VPS13A: variants seen among roughly 807,000 people sequenced by gnomAD.
VPS13A encodes vacuolar protein sorting 13 homolog A.
A neutral mutation model predicts 390.9 loss-of-function variants in VPS13A; 264 were observed. The ratio of observed to expected loss-of-function variants is 0.68; its 90% CI spans 0.61 to 0.75. VPS13A has a LOEUF of 0.75. VPS13A is among the 30% of genes least tolerant of loss of function. The pLI is 0.00. For synonymous variants in VPS13A, 1,231 were observed against 1,227.1 expected, an observed-to-expected ratio of 1.00 and a Z score of -0.07; for missense variants, 3,409 against 3,733.9, an observed-to-expected ratio of 0.91 and a Z score of 2.27.
chr9:77,385,603 CAT>C (rs1165420999), intron 68 of VPS13A, among the ~76,000 whole-genome samples: 5 of 151,898 alleles, frequency 3.3e-5, no homozygotes, highest in African/African-American at 1.2e-4. Context: ...AAAATTTCAA[CAT>C]AGATGAAACT....
At chr9:77,227,701 TG>T (rs1276889719) in intron 16 of VPS13A, among the ~76,000 whole-genome samples, 2 of 147,224 alleles carry the variant, frequency 1.4e-5, no homozygotes, top group East Asian at 4.0e-4. Flanking sequence ...GTTTTTTTTT[TG>T]TTTTTTTTTT....
Position 77,177,557 on chromosome 9 carries a change from C to T in VPS13A, c.-148C>T, listed in dbSNP as rs555695029. Reference sequence around the variant, plus strand: ...CCGCCTCCGTCTCTCGCTGGGCTCGCTAGGGCTGCGCGTTGGGCCAGCGGG... The same window carrying T: ...CCGCCTCCGTCTCTCGCTGGGCTCGTTAGGGCTGCGCGTTGGGCCAGCGGG... On this transcript the variant is annotated 5_prime_UTR_variant, in exon 1 of 72. Transcript: ENST00000360280. 2.2e-3 allele frequency: 1,582 copies of T among 721,756 alleles called. 5 individuals carry two copies. Among genetic ancestry groups the T allele is most frequent in the Non-Finnish European group, 3.1e-3 (1,297 of 414,380 alleles). 44.7% of individuals were successfully genotyped at this position (721,756 alleles called of 1,614,324 possible).
chr9:77,211,141 A>G (rs2150901), intron 7 of VPS13A: 32,075 of 158,330 alleles, frequency 0.2, 3,462 homozygotes, highest in African/African-American at 0.25. Flanking sequence ...GCTTGCCTCC[A>G]GAATGGATGG....
At chr9:77,207,213 TTATATATATATATATATATATA>T (rs61703004) in intron 5 of VPS13A, among the ~76,000 whole-genome samples, 10 of 43,126 alleles carry the variant, frequency 2.3e-4, no homozygotes, top group South Asian at 9.1e-4. Flanking sequence ...TATTTAGATA[TTATATATATATATATATATATA>T]TATATATATA....
Position 77,201,254 on chromosome 9 carries a change from A to T in VPS13A, c.145-111A>T, listed in dbSNP as rs1825314650. On this transcript the variant is annotated intron_variant, in intron 2 of 71. Coordinates refer to ENST00000360280, the MANE Select transcript of VPS13A (RefSeq NM_033305.3). ...AAATGTTGATGATAAGGAAATGTGT[A>T]AGTTTATTAAAAAATCCCTTGAAAT... 8.3e-6 allele frequency: 6 copies of T among 720,156 alleles called. No homozygotes were observed. In the African/African-American group the frequency reaches 1.1e-4, roughly 13 times the overall value. The allele number at this position is 720,156 out of a possible 1,614,324, so 44.6% of individuals were successfully genotyped here. A position where few individuals can be genotyped will look rare whatever the true frequency, so the allele number is the denominator to read the frequency against.
At position 77,281,872 on chromosome 9, in the gene VPS13A, A is replaced by G. The variant is rs115565179; in HGVS notation, c.2910A>G (p.Glu970=). 1.6e-3 allele frequency: 2,590 copies of G among 1,601,962 alleles called. 40 individuals carry two copies. The African/African-American group carries it at 0.031, about 19-fold the overall frequency. Residue 970 remains glutamate (E), a synonymous_variant, in exon 28 of 72, where the codon GAA becomes GAG. Transcript: ENST00000360280. ...DLLTLEYVKA[E]KNVPDLKSTY... ...TTTGTTTTCTCTTTGGATAGGCTGAAAAGAATGTACCCGACTTGAAAAGTA... is the reference window on the plus strand; with the variant it reads ...TTTGTTTTCTCTTTGGATAGGCTGAGAAGAATGTACCCGACTTGAAAAGTA...
intron 35 of VPS13A, among the ~76,000 whole-genome samples, chr9:77,311,929 A>G (rs568114696): frequency 6.6e-6 from 1 of 152,358 alleles, no homozygotes; most frequent in Non-Finnish European, 1.5e-5. Context: ...AAAAGAAATG[A>G]CAAGGGAAAT....
At position 77,276,098 on chromosome 9, in the gene VPS13A, T is replaced by G; in HGVS notation, c.2701T>G (p.Cys901Gly). Residue 901 changes from cysteine to glycine, a missense_variant, in exon 26 of 72, where the codon TGT becomes GGT. Transcript: ENST00000360280. ...LIEFYHLVGD[C>G]ELSVVEILVL... ...CGAGTTTTATCACCTTGTTGGAGAT[T>G]GTGAACTATCTGTGGTAGAAATTCT... 1 of 1,613,262 alleles carries G rather than the reference T, an allele frequency of 6.2e-7. No homozygotes were observed. The highest frequency in any genetic ancestry group is 8.5e-7 in the Non-Finnish European group (1 of 1,179,806).
intron 34 of VPS13A, among the ~76,000 whole-genome samples, chr9:77,306,233 G>C (rs1273857791): frequency 2.0e-5 from 3 of 152,124 alleles, no homozygotes; most frequent in Non-Finnish European, 2.9e-5. Flanking sequence ...AGAAAGCTTG[G>C]TTACAAGTAA....
At chr9:77,177,864 C>A in intron 1 of VPS13A, 60 bp downstream of exon 1, 1 of 1,489,908 alleles carries the variant, frequency 6.7e-7, no homozygotes, top group Non-Finnish European at 9.2e-7. Context: ...TCTCGCTGCC[C>A]GAGCGGCGTC....
At position 77,420,827 on chromosome 9, in the gene VPS13A, AT is replaced by A. The variant is rs1185776268; in HGVS notation, c.*4822del. ...TTGGAAAATCCCAACATTTCCTGTT[AT>A]GCCGTCATACCTCCGGTGTTCAGTT... On this transcript the variant is annotated 3_prime_UTR_variant, in exon 72 of 72. Coordinates refer to ENST00000360280, the MANE Select transcript of VPS13A (RefSeq NM_033305.3). The A allele has an allele frequency of 6.6e-6, 1 of 152,188 alleles. No individual in the cohort carries two copies. The highest frequency in any genetic ancestry group is 1.5e-5 in the Non-Finnish European group (1 of 68,016). The allele number at this position is 152,188 out of a possible 1,614,324, so 9.4% of individuals were successfully genotyped here.
chr9:77,319,756 C>A, intron 42 of VPS13A, 83 bp downstream of exon 42: 2 of 762,282 alleles, frequency 2.6e-6, no homozygotes, highest in Non-Finnish European at 4.1e-6. Flanking sequence ...GATTTAGGTT[C>A]ACAGCAAAAT....
intron 67 of VPS13A, 81 bp from the exon 68 acceptor site, chr9:77,381,893 TTG>T: frequency 2.4e-6 from 2 of 846,752 alleles, no homozygotes; most frequent in Non-Finnish European, 3.8e-6. Context: ...TGAAATAAGA[TTG>T]TTTTTAGTAA....
chr9:77,220,033 C>T lies in VPS13A; in HGVS notation c.834C>T (p.Asn278=), dbSNP rs1823101154. 2.5e-6 allele frequency: 4 copies of T among 1,612,810 alleles called. No homozygotes were observed. Among genetic ancestry groups the T allele is most frequent in the Non-Finnish European group, 3.4e-6 (4 of 1,179,084 alleles). Residue 278 remains asparagine (N), a synonymous_variant, in exon 11 of 72, where the codon AAC becomes AAT. Transcript: ENST00000360280. ...TTGACTTTTCTGCCCCCAAAATAAA[C>T]TTGGAAATTGAGTTACATAACATAG... ...SDFDFSAPKI[N]LEIELHNIAI... is the part of the protein sequence containing the mutation.
chr9:77,321,143 T>G (rs1490638773), intron 42 of VPS13A, 26 bp from the exon 43 acceptor site: 1 of 1,602,112 alleles, frequency 6.2e-7, no homozygotes, highest in East Asian at 2.2e-5. Context: ...AATTTTTCCT[T>G]ATATTTCTAT....
chr9:77,260,247 T>A (rs750583197), intron 23 of VPS13A, 23 bp downstream of exon 23: 3 of 1,607,812 alleles, frequency 1.9e-6, no homozygotes, highest in Non-Finnish European at 2.6e-6. Flanking sequence ...TCAAAATTAA[T>A]ATAAGCATGA....
Position 77,421,299 on chromosome 9 carries a change from C to T in VPS13A, c.*5293C>T, listed in dbSNP as rs1243908004. The T allele has an allele frequency of 6.6e-6, 1 of 152,292 alleles. No individual in the cohort carries two copies. Among genetic ancestry groups the T allele is most frequent in the African/African-American group, 2.4e-5 (1 of 41,552 alleles). 9.4% of individuals were successfully genotyped at this position (152,292 alleles called of 1,614,324 possible). On this transcript the variant is annotated 3_prime_UTR_variant, in exon 72 of 72. Transcript: ENST00000360280. The stretch of plus-strand genomic sequence containing the variant: ...TCAGTTGCCTGTTACACAGCCTCTG[C>T]CTTGGTTTTGTGTATTCTAAGATAA...
chr9:77,200,656 A>G (rs1825278683), intron 2 of VPS13A, among the ~76,000 whole-genome samples: 1 of 152,118 alleles, frequency 6.6e-6, no homozygotes, highest in Non-Finnish European at 1.5e-5. Context: ...TCCTAGGCTC[A>G]AGCTGTCTTC....
chr9:77,377,258 G>A (rs1322991399), intron 67 of VPS13A, among the ~76,000 whole-genome samples: 1 of 128,706 alleles, frequency 7.8e-6, no homozygotes, highest in Non-Finnish European at 1.5e-5. Flanking sequence ...TGTCGCCCAG[G>A]CCAGACTGCG....
Sources: gnomAD v4.1 joint callset for allele counts (sites outside exome capture counted in the v4.1 genomes callset) on GRCh38, gnomAD v4.1.1 for gene constraint, MANE v1.5 for transcripts, NCBI Gene and HGNC (gene_info 2026-07-23, HGNC 2026-07-21) for gene names.